Variants in SKIL observed in about 807,000 individuals in gnomAD.
The protein encoded by SKIL is SKI like proto-oncogene.
A neutral mutation model predicts 69.6 loss-of-function variants in SKIL; 20 were observed. The observed-to-expected ratio is 0.29, with a 90% CI of 0.20 to 0.42. The LOEUF (loss-of-function observed/expected upper bound fraction) is 0.42, where lower values mean the gene tolerates loss of function less well. Among genes scored for constraint, SKIL ranks in the 10% least tolerant of loss-of-function variants. The pLI is 1.00. For missense variants in SKIL, 745 were observed against 783.1 expected (o/e 0.95, Z 0.58); for synonymous variants, 310 against 279.9 (o/e 1.11, Z -1.08).
chr3:170,381,398 T>C (rs1291442108), intron 3 of SKIL, 57 bp downstream of exon 3: 99 of 834,986 alleles, frequency 1.2e-4, no homozygotes, highest in Non-Finnish European at 2.0e-4. Flanking sequence ...AACAACTATA[T>C]GCCATGCACT....
intron 4 of SKIL, among the ~76,000 whole-genome samples, chr3:170,385,849 T>C (rs1737598307): frequency 6.6e-6 from 1 of 151,626 alleles, no homozygotes; most frequent in Admixed American, 6.6e-5. Flanking sequence ...TTGCCCAGGC[T>C]GGAGTAAAAT....
At chr3:170,383,705 C>T (rs567928275) in intron 3 of SKIL, among the ~76,000 whole-genome samples, 9 of 152,188 alleles carry the variant, frequency 5.9e-5, no homozygotes, top group African/African-American at 1.9e-4. Flanking sequence ...AGTAGCTGGG[C>T]GACATTCAGA....
chr3:170,391,378 C>T, intron 6 of SKIL, 118 bp downstream of exon 6: 1 of 625,198 alleles, frequency 1.6e-6, no homozygotes, highest in Admixed American at 3.2e-5. Flanking sequence ...AGTGCAGTGG[C>T]ACAATCTCAG....
intron 2 of SKIL, among the ~76,000 whole-genome samples, chr3:170,367,871 G>T (rs1482047402): frequency 1.3e-5 from 2 of 152,130 alleles, no homozygotes; most frequent in African/African-American, 4.8e-5. Context: ...GATTACTTAT[G>T]ATACAAACAG....
At chr3:170,371,071 T>C (rs1736779491) in intron 2 of SKIL, among the ~76,000 whole-genome samples, 1 of 152,200 alleles carries the variant, frequency 6.6e-6, no homozygotes, top group South Asian at 2.1e-4. Flanking sequence ...TAGTAAATAC[T>C]AAAAAAGTAC....
chr3:170,360,374 A>G lies in SKIL; in HGVS notation c.43A>G (p.Thr15Ala), dbSNP rs1229773598. 4.4e-6 allele frequency: 7 copies of G among 1,597,202 alleles called. No individual in the cohort carries two copies. The South Asian group carries it at 4.5e-5, about 10-fold the overall frequency. Residue 15 changes from threonine (T) to alanine (A), a missense_variant, in exon 2 of 7, where the codon ACT (threonine) becomes GCT (alanine). Transcript: ENST00000259119. ...QTNFSLVQGSTKKLNGMGDDG... is the reference protein window; with the variant it reads ...QTNFSLVQGSAKKLNGMGDDG... ...AAATTTCTCCTTGGTTCAGGGCTCA[A>G]CTAAAAAACTGAATGGGATGGGAGA... is the stretch of plus-strand genomic sequence containing the variant.
rs11337003 is a variant in SKIL at position 170,396,010 on chromosome 3, G to GTTTTTTTTTTTTTT, written c.*3596_*3609dup. 1 of 126,312 alleles carries GTTTTTTTTTTTTTT rather than the reference G, an allele frequency of 7.9e-6. No individual in the cohort carries two copies. The allele number at this position is 126,312 out of a possible 1,614,324, so 7.8% of individuals were successfully genotyped here. A position where few individuals can be genotyped will look rare whatever the true frequency, so the allele number is the denominator to read the frequency against. The stretch of plus-strand genomic sequence containing the variant: ...ATATTGCATTTCATTTAAAAGGACA[G>GTTTTTTTTTTTTTT]TTTTTTTTTTTTTTTTGTAAATCCA... On this transcript the variant is annotated 3_prime_UTR_variant, in exon 7 of 7. Coordinates refer to ENST00000259119, the MANE Select transcript of SKIL (RefSeq NM_005414.5).
At position 170,375,363 on chromosome 3, in the gene SKIL, G is replaced by T. The variant is rs116349009; in HGVS notation, c.1099-5881G>T. ...TTTAGAGACACAGAAATAAATAGAT[G>T]CTAGGTTTGGCTCATGAGTAAAGAT... On this transcript the variant is annotated intron_variant, in intron 2 of 6. Coordinates refer to ENST00000259119, the MANE Select transcript of SKIL (RefSeq NM_005414.5). 9.5e-3 allele frequency among the ~76,000 whole-genome samples: 1,450 copies of T among 152,282 alleles called. 16 individuals are homozygous for T. Among genetic ancestry groups the T allele is most frequent in the African/African-American group, 0.031 (1,295 of 41,568 alleles).
At chr3:170,390,960 CTA>C in intron 5 of SKIL, 74 bp from the exon 6 acceptor site, 2 of 733,146 alleles carry the variant, frequency 2.7e-6, no homozygotes, top group South Asian at 1.8e-5. Context: ...ATTTTCTGTG[CTA>C]TGTTTTCCAG....
At chr3:170,366,972 C>T (rs973170955) in intron 2 of SKIL, among the ~76,000 whole-genome samples, 5 of 151,400 alleles carry the variant, frequency 3.3e-5, no homozygotes, top group East Asian at 1.9e-4. Context: ...TTGAATATTA[C>T]GTTTGTATGA....
chr3:170,380,832 C>G (rs1577434111), intron 2 of SKIL, among the ~76,000 whole-genome samples: 1 of 151,894 alleles, frequency 6.6e-6, no homozygotes, highest in South Asian at 2.1e-4. Flanking sequence ...TGGAAGATGA[C>G]TCTTGAGACA....
At chr3:170,368,474 T>A (rs997022563) in intron 2 of SKIL, among the ~76,000 whole-genome samples, 1 of 152,250 alleles carries the variant, frequency 6.6e-6, no homozygotes, top group Admixed American at 6.5e-5. Flanking sequence ...GGATTTTCTT[T>A]TAAAGATGGC....
rs531348534 is a variant in SKIL, at chr3:170,395,603, A to G, written c.*3186A>G. ...AAAGTTATAAGGAAACTCAAATACTATAAGATGTGTCAAGGTATTTCTCCA... is the reference window on the plus strand; with the variant it reads ...AAAGTTATAAGGAAACTCAAATACTGTAAGATGTGTCAAGGTATTTCTCCA... On this transcript the variant is annotated 3_prime_UTR_variant, in exon 7 of 7. Coordinates refer to ENST00000259119, the MANE Select transcript of SKIL (RefSeq NM_005414.5). The G allele has an allele frequency of 1.3e-5, 2 of 152,256 alleles. No homozygotes were observed. The highest frequency in any genetic ancestry group is 1.9e-4 in the East Asian group (1 of 5,188). 9.4% of individuals were successfully genotyped at this position (152,256 alleles called of 1,614,324 possible).
intron 2 of SKIL, among the ~76,000 whole-genome samples, chr3:170,361,694 A>G (rs1736243969): frequency 6.6e-6 from 1 of 152,022 alleles, no homozygotes; most frequent in South Asian, 2.1e-4. Context: ...GAGAGATAAA[A>G]TGACTTTCCC....
At chr3:170,370,494 A>G (rs1034566233) in intron 2 of SKIL, among the ~76,000 whole-genome samples, 2 of 113,436 alleles carry the variant, frequency 1.8e-5, no homozygotes, top group African/African-American at 3.5e-5. Context: ...GTCTTCTTAT[A>G]TCTTACAGTC....
At chr3:170,363,725 T>TC (rs1278641409) in intron 2 of SKIL, among the ~76,000 whole-genome samples, 1 of 152,164 alleles carries the variant, frequency 6.6e-6, no homozygotes, top group African/African-American at 2.4e-5. Flanking sequence ...CCTCGGGTGA[T>TC]CCACCCGCCT....
intron 2 of SKIL, among the ~76,000 whole-genome samples, chr3:170,368,452 T>C (rs1159284954): frequency 1.3e-5 from 2 of 152,200 alleles, no homozygotes; most frequent in East Asian, 3.8e-4. Flanking sequence ...TAAACTATAT[T>C]TTAGAATATT....
At chr3:170,370,035 C>T (rs557418815) in intron 2 of SKIL, among the ~76,000 whole-genome samples, 3 of 151,888 alleles carry the variant, frequency 2.0e-5, no homozygotes, top group South Asian at 4.2e-4. Flanking sequence ...GTCAGGAGAT[C>T]GAGACCATCC....
chr3:170,370,600 A>C (rs1332627364), intron 2 of SKIL, among the ~76,000 whole-genome samples: 4 of 152,048 alleles, frequency 2.6e-5, no homozygotes, highest in Non-Finnish European at 4.4e-5. Context: ...CGAAGAGGGA[A>C]ACAGGTTTAG....
Sources: gnomAD v4.1 joint callset for allele counts (sites outside exome capture counted in the v4.1 genomes callset) on GRCh38, gnomAD v4.1.1 for gene constraint, MANE v1.5 for transcripts, NCBI Gene and HGNC (gene_info 2026-07-23, HGNC 2026-07-21) for gene names.